The following AHRR variants were observed in gnomAD, a reference collection of about 807,000 sequenced individuals.
The protein encoded by AHRR is aryl hydrocarbon receptor repressor, also known as ahR repressor.
A neutral mutation model predicts 44.0 loss-of-function variants in AHRR; 28 were observed. That is an observed-to-expected ratio of 0.64 (90% confidence interval 0.47 to 0.87). The LOEUF is 0.87. Among genes scored for constraint, AHRR ranks in the 40% least tolerant of loss-of-function variants. The pLI is 0.00. For missense variants in AHRR, 990 were observed against 953.9 expected (o/e 1.04, Z -0.50); for synonymous variants, 434 against 407.0 (o/e 1.07, Z -0.80).
Position 400,474 on chromosome 5 carries a change from C to T in AHRR, c.352-12870C>T, listed in dbSNP as rs149324689. On this transcript the variant is annotated intron_variant, in intron 4 of 10. Transcript: ENST00000684583. ...ACAGCACATGGATGTGATCTTTTTCCCCTTAAAAAAAGTAGAGCCTTAACC... is the reference window on the plus strand; with the variant it reads ...ACAGCACATGGATGTGATCTTTTTCTCCTTAAAAAAAGTAGAGCCTTAACC... 3.9e-4 allele frequency among the ~76,000 whole-genome samples: 59 copies of T among 152,092 alleles called. No individual in the cohort carries two copies. In the East Asian group the frequency reaches 0.011, roughly 28 times the overall value.
Position 353,751 on chromosome 5 carries a change from G to T in AHRR, c.84G>T (p.Glu28Asp). 6.2e-7 allele frequency: 1 copy of T among 1,611,926 alleles called. No individual in the cohort carries two copies. The highest frequency in any genetic ancestry group is 8.5e-7 in the Non-Finnish European group (1 of 1,179,644). The change falls in exon 3 of 11, where the codon GAG becomes GAT. Residue 28 changes from glutamate (E) to aspartate (D), a missense_variant. Transcript: ENST00000684583. ...ACAGGAGGCCCGCCGTGGGGGCAGA[G>T]AAGTCCAACCCCTCCAAGCGACACC... The part of the protein sequence containing the change: ...LQKQRPAVGA[E>D]KSNPSKRHRD...
At chr5:421,289 C>T (rs1339433234) in intron 5 of AHRR, 1 of 697,702 alleles carries the variant, frequency 1.4e-6, no homozygotes, top group South Asian at 1.5e-5. Flanking sequence ...ACGGGCGAGG[C>T]TGTTGCGCTG....
intron 7 of AHRR, among the ~76,000 whole-genome samples, chr5:427,142 AG>A (rs1736453117): frequency 6.6e-6 from 1 of 152,210 alleles, no homozygotes; most frequent in South Asian, 2.1e-4. Flanking sequence ...ATAAGGATAG[AG>A]GGTGGAGCCA....
rs1469948003 is a variant in AHRR at position 406,149 on chromosome 5, A to G, written c.352-7195A>G. Among the ~76,000 whole-genome samples the G allele has an allele frequency of 6.6e-6, 1 of 152,234 alleles. No homozygotes were observed. Among genetic ancestry groups the G allele is most frequent in the Non-Finnish European group, 1.5e-5 (1 of 68,032 alleles). ...GCATTGTCCGGAAGAAGCCTCTTGC[A>G]GTGTGGATGGGAACCTGCCACAGCT... is the stretch of plus-strand genomic sequence containing the variant. On this transcript the variant is annotated intron_variant, in intron 4 of 10. Transcript: ENST00000684583. This position sits in a 1 kb window ranked among gnomAD's most constrained non-coding sequence, Gnocchi z 4.7.
At chr5:389,148 C>T (rs1734296984) in intron 4 of AHRR, among the ~76,000 whole-genome samples, 1 of 126,420 alleles carries the variant, frequency 7.9e-6, no homozygotes, top group East Asian at 2.7e-4. Context: ...TGACGATGCC[C>T]TGGCGGAGGG....
At chr5:343,745 G>A in intron 1 of AHRR, 148 bp from the exon 2 acceptor site, 1 of 727,894 alleles carries the variant, frequency 1.4e-6, no homozygotes, top group Non-Finnish European at 2.2e-6. Flanking sequence ...CCGGGCCAGG[G>A]GGTCCCACGA....
intron 3 of AHRR, among the ~76,000 whole-genome samples, chr5:360,855 T>C (rs1205408258): frequency 2.0e-5 from 3 of 152,156 alleles, no homozygotes; most frequent in Non-Finnish European, 4.4e-5. Flanking sequence ...TTACTGCTTA[T>C]AGTGAAACGT....
chr5:350,567 C>G (rs1742825529), intron 2 of AHRR, among the ~76,000 whole-genome samples: 1 of 152,164 alleles, frequency 6.6e-6, no homozygotes, highest in Admixed American at 6.5e-5. Context: ...TCTCTGGCGC[C>G]CCCATTCTGT....
intron 5 of AHRR, chr5:421,371 G>GCA: frequency 1.5e-6 from 1 of 661,620 alleles, no homozygotes; most frequent in Non-Finnish European, 2.8e-6. Context: ...TGGAGTCCGC[G>GCA]CACAGTACCA....
At chr5:373,238 C>G (rs778718279) in intron 3 of AHRR, among the ~76,000 whole-genome samples, 3 of 152,250 alleles carry the variant, frequency 2.0e-5, no homozygotes, top group African/African-American at 4.8e-5. Flanking sequence ...AGCCCTGCCC[C>G]GCGGCCCTGG....
At chr5:347,663 G>A (rs987578967) in intron 2 of AHRR, among the ~76,000 whole-genome samples, 1 of 152,238 alleles carries the variant, frequency 6.6e-6, no homozygotes, top group African/African-American at 2.4e-5. Context: ...TAGGCAAGGT[G>A]ATGGAGGCTG....
At chr5:371,035 G>A (rs986260576) in intron 3 of AHRR, among the ~76,000 whole-genome samples, 30 of 152,182 alleles carry the variant, frequency 2.0e-4, no homozygotes, top group Admixed American at 1.3e-4. Context: ...CAGGAGAGCC[G>A]AGGTGTAGTT....
intron 4 of AHRR, among the ~76,000 whole-genome samples, chr5:398,047 GC>G (rs1734827069): frequency 7.7e-6 from 1 of 129,076 alleles, no homozygotes; most frequent in Non-Finnish European, 1.6e-5. Context: ...ATCCATGTTA[GC>G]CCCTGACCAT....
In AHRR at chr5:400,346, G is replaced by C. The variant is rs376954645; in HGVS notation, c.352-12998G>C. ...GTTTGCCCCATTCCCTGCGGTCCCTGGGGGAGAGCGTGGCTCCAGCCCTCA... is the reference window on the plus strand; with the variant it reads ...GTTTGCCCCATTCCCTGCGGTCCCTCGGGGAGAGCGTGGCTCCAGCCCTCA... On this transcript the variant is annotated intron_variant, in intron 4 of 10. Transcript: ENST00000684583. Among the ~76,000 whole-genome samples the C allele has an allele frequency of 7.9e-5, 12 of 152,280 alleles. 1 individual carries two copies. In the East Asian group the frequency reaches 2.1e-3, roughly 27 times the overall value.
rs1742216072 is a variant in AHRR at position 338,350 on chromosome 5, C to T, written c.-10-5543C>T. ...TGGGTCAGCTAGTGATGATTTCTTT[C>T]AGTTTTTGTGCATCTGAAAGCTCTT... On this transcript the variant is annotated intron_variant, in intron 1 of 10. Transcript: ENST00000684583. This position sits in a 1 kb window ranked among gnomAD's most constrained non-coding sequence, Gnocchi z 4.1. Among the ~76,000 whole-genome samples, 1 of 152,102 alleles carries T rather than the reference C, an allele frequency of 6.6e-6. No individual in the cohort carries two copies. Among genetic ancestry groups the T allele is most frequent in the Non-Finnish European group, 1.5e-5 (1 of 68,018 alleles).
intron 4 of AHRR, among the ~76,000 whole-genome samples, chr5:399,893 T>A (rs115100968): frequency 0.059 from 9,038 of 152,090 alleles, 352 homozygotes; most frequent in Middle Eastern, 0.11. Flanking sequence ...TGGAAGAGAG[T>A]CAAGCCTGCG....
chr5:373,997 C>G (rs1412489665), intron 3 of AHRR, among the ~76,000 whole-genome samples: 1 of 151,848 alleles, frequency 6.6e-6, no homozygotes, highest in African/African-American at 2.4e-5. Context: ...GCCGCCGCAC[C>G]TACGCGCTTC....
intron 10 of AHRR, among the ~76,000 whole-genome samples, chr5:433,539 A>G (rs2720997): frequency 0.84 from 127,476 of 152,194 alleles, 53,709 homozygotes; most frequent in Non-Finnish European, 0.88. Context: ...CCCACCCCTA[A>G]CGCTAGTGAC....
intron 1 of AHRR, among the ~76,000 whole-genome samples, chr5:328,255 A>ATT (rs70955232): frequency 0.094 from 5,099 of 54,346 alleles, 1,502 homozygotes; most frequent in East Asian, 0.21. Flanking sequence ...CCAACATCTG[A>ATT]TTTTTTTTTT....
Sources: allele counts gnomAD v4.1 joint callset (sites outside exome capture counted in the v4.1 genomes callset), GRCh38; gene constraint gnomAD v4.1.1; non-coding constraint Gnocchi (gnomAD v3.1); transcripts MANE v1.5; gene names NCBI Gene and HGNC (gene_info 2026-07-23, HGNC 2026-07-21).